The following RBPMS variants were observed in gnomAD, a reference collection of about 807,000 sequenced individuals.
RBPMS encodes the protein RNA binding protein, mRNA processing factor, also known as RNA-binding protein with multiple splicing.
A neutral mutation model predicts 26.8 loss-of-function variants in RBPMS; 7 were observed. That is an observed-to-expected ratio of 0.26 (90% CI 0.15 to 0.49). The LOEUF (loss-of-function observed/expected upper bound fraction) is 0.49. Among genes scored for constraint, RBPMS ranks in the 20% least tolerant of loss-of-function variants. The pLI is 0.98. For missense variants in RBPMS, 186 were observed against 250.0 expected, an observed-to-expected ratio of 0.74 and a Z score of 1.73; for synonymous variants, 96 against 93.3, an observed-to-expected ratio of 1.03 and a Z score of -0.17.
rs182472834 is a variant in RBPMS at position 30,550,781 on chromosome 8, G to A, written c.528+6157G>A. Among the ~76,000 whole-genome samples the A allele has an allele frequency of 3.9e-5, 6 of 152,306 alleles. No individual in the cohort carries two copies. In the East Asian group the frequency reaches 5.8e-4, roughly 15 times the overall value. On this transcript the variant is annotated intron_variant, in intron 6 of 8. Transcript: ENST00000397323. ...GGCCTCCCCAAACCAGGCTGGACAC[G>A]GCCACCGGAACCCCCTTCTGACAGG... is the stretch of plus-strand genomic sequence containing the variant.
At chr8:30,477,285 A>G (rs1338555198) in intron 2 of RBPMS, among the ~76,000 whole-genome samples, 2 of 151,844 alleles carry the variant, frequency 1.3e-5, no homozygotes, top group Non-Finnish European at 1.5e-5. Flanking sequence ...TCCAGACCTC[A>G]TGATCCGCCC....
At chr8:30,417,745 T>C (rs1315375821) in intron 1 of RBPMS, among the ~76,000 whole-genome samples, 6 of 146,482 alleles carry the variant, frequency 4.1e-5, no homozygotes, top group African/African-American at 1.7e-4. Context: ...AGTTTAGAAC[T>C]TCCATGTTAG....
At chr8:30,500,885 C>T (rs1040266009) in intron 4 of RBPMS, among the ~76,000 whole-genome samples, 12 of 152,236 alleles carry the variant, frequency 7.9e-5, no homozygotes, top group Admixed American at 7.8e-4. Context: ...CCCAGGGCTG[C>T]TCTAATGGTT....
chr8:30,461,479 C>G (rs1434765685), intron 1 of RBPMS, among the ~76,000 whole-genome samples: 1 of 152,190 alleles, frequency 6.6e-6, no homozygotes, highest in African/African-American at 2.4e-5. Flanking sequence ...ACTGCAACCT[C>G]TGCCTCCTGG....
chr8:30,531,272 G>T (rs1824198007), intron 5 of RBPMS, among the ~76,000 whole-genome samples: 1 of 152,122 alleles, frequency 6.6e-6, no homozygotes, highest in Non-Finnish European at 1.5e-5. Context: ...TTTAGGGAGG[G>T]AAGAAACCCC....
intron 1 of RBPMS, among the ~76,000 whole-genome samples, chr8:30,447,373 TA>T (rs1207008369): frequency 1.3e-5 from 2 of 152,298 alleles, no homozygotes; most frequent in Non-Finnish European, 1.5e-5. Context: ...TATTACTACA[TA>T]AAATAGAGAA....
intron 1 of RBPMS, among the ~76,000 whole-genome samples, chr8:30,388,947 A>G (rs2150535751): frequency 6.6e-6 from 1 of 152,344 alleles, no homozygotes; most frequent in Admixed American, 6.5e-5. Flanking sequence ...TGAGGTTAAT[A>G]CAAACCTTTA....
At chr8:30,436,603 C>G (rs918465106) in intron 1 of RBPMS, among the ~76,000 whole-genome samples, 7 of 152,176 alleles carry the variant, frequency 4.6e-5, no homozygotes, top group Non-Finnish European at 1.0e-4. Context: ...CAGGGGAGGA[C>G]TATCACTTTC....
chr8:30,510,512 T>C (rs62508365), intron 5 of RBPMS, among the ~76,000 whole-genome samples: 2 of 148,702 alleles, frequency 1.3e-5, no homozygotes, highest in African/African-American at 2.5e-5. Context: ...TTTTTTTTTT[T>C]CCAGTTATGT....
intron 6 of RBPMS, chr8:30,549,410 G>T: frequency 9.2e-7 from 1 of 1,082,200 alleles, no homozygotes. Context: ...GCTTGCCTTT[G>T]GGGCTGTTCT....
At chr8:30,561,267 T>C (rs1827459100) in intron 7 of RBPMS, among the ~76,000 whole-genome samples, 1 of 152,194 alleles carries the variant, frequency 6.6e-6, no homozygotes, top group Admixed American at 6.5e-5. Context: ...CCATGTTTCG[T>C]CTTCATATGC....
intron 4 of RBPMS, among the ~76,000 whole-genome samples, chr8:30,500,038 T>A (rs1820386885): frequency 6.6e-6 from 1 of 152,218 alleles, no homozygotes; most frequent in African/African-American, 2.4e-5. Flanking sequence ...GTAACTAGTT[T>A]TTAAAAACAT....
intron 1 of RBPMS, among the ~76,000 whole-genome samples, chr8:30,445,966 G>C (rs1239954148): frequency 6.6e-6 from 1 of 152,104 alleles, no homozygotes; most frequent in South Asian, 2.1e-4. Context: ...TGCCCAGCCT[G>C]TAAATACATT....
intron 5 of RBPMS, among the ~76,000 whole-genome samples, chr8:30,533,536 G>C (rs1347085160): frequency 6.6e-6 from 1 of 152,158 alleles, no homozygotes. Flanking sequence ...GGTTTTTCTT[G>C]TTTCACAGTA....
chr8:30,385,467 A>C, intron 1 of RBPMS: 1 of 257,338 alleles, frequency 3.9e-6, no homozygotes, highest in Non-Finnish European at 7.3e-6. Context: ...GACCTCAGAT[A>C]ATCGGGACTC....
At chr8:30,554,980 G>A (rs1826730910) in intron 6 of RBPMS, among the ~76,000 whole-genome samples, 3 of 152,104 alleles carry the variant, frequency 2.0e-5, no homozygotes, top group African/African-American at 4.8e-5. Context: ...CAGGCAGGGC[G>A]TCCTCCCGAG....
chr8:30,442,481 TTC>T (rs1202838187), intron 1 of RBPMS: 4 of 152,162 alleles, frequency 2.6e-5, no homozygotes, highest in East Asian at 1.9e-4. Flanking sequence ...GCGCTTTATC[TTC>T]TGTTTCTGTA....
intron 1 of RBPMS, among the ~76,000 whole-genome samples, chr8:30,414,484 A>G (rs1408142217): frequency 6.6e-6 from 1 of 152,218 alleles, no homozygotes; most frequent in Non-Finnish European, 1.5e-5. Context: ...TGTATGGGTC[A>G]GCCAGCTCTG....
At chr8:30,498,170 G>C (rs932157708) in intron 4 of RBPMS, among the ~76,000 whole-genome samples, 1 of 151,854 alleles carries the variant, frequency 6.6e-6, no homozygotes, top group African/African-American at 2.4e-5. Flanking sequence ...CAGAATGGAA[G>C]TGTAGGAAGC....
Sources: allele counts gnomAD v4.1 joint callset (sites outside exome capture counted in the v4.1 genomes callset), GRCh38; gene constraint gnomAD v4.1.1; transcripts MANE v1.5; gene names NCBI Gene and HGNC (gene_info 2026-07-23, HGNC 2026-07-21).